Variants in ZNF385D observed in about 807,000 individuals in gnomAD.
ZNF385D encodes zinc finger protein 659.
ZNF385D carries 15 observed loss-of-function variants against 35.8 expected under a neutral mutation model. The ratio of observed to expected loss-of-function variants is 0.42; its 90% CI spans 0.28 to 0.64. The LOEUF (loss-of-function observed/expected upper bound fraction) is 0.64, where lower values mean the gene tolerates loss of function less well. Ranked by LOEUF, ZNF385D falls within the 30% of genes least tolerant of loss-of-function variation. The pLI is 0.23. For missense variants in ZNF385D, 474 were observed against 494.6 expected (o/e 0.96, Z 0.39); for synonymous variants, 212 against 186.8 (o/e 1.13, Z -1.10).
chr3:22,097,097 T>A (rs530207702), intron 3 of ZNF385D, among the ~76,000 whole-genome samples: 6 of 148,662 alleles, frequency 4.0e-5, no homozygotes, highest in East Asian at 1.9e-4. Flanking sequence ...GAGAAATGAA[T>A]TGTCCATCTT....
intron 2 of ZNF385D, among the ~76,000 whole-genome samples, chr3:22,341,894 A>G (rs921154545): frequency 1.3e-5 from 2 of 152,224 alleles, no homozygotes; most frequent in Admixed American, 6.5e-5. Flanking sequence ...AGTAAATTTG[A>G]GCTATTACTG....
At chr3:21,969,173 A>T (rs936919234) in intron 3 of ZNF385D, among the ~76,000 whole-genome samples, 2 of 152,106 alleles carry the variant, frequency 1.3e-5, no homozygotes, top group African/African-American at 2.4e-5. Flanking sequence ...TTTTTGTGTG[A>T]CTTGGGTGGC....
At chr3:22,027,766 G>A (rs1354885006) in intron 3 of ZNF385D, among the ~76,000 whole-genome samples, 2 of 152,134 alleles carry the variant, frequency 1.3e-5, no homozygotes, top group African/African-American at 2.4e-5. Flanking sequence ...TGAGAAAGTG[G>A]CTCAAATGCC....
chr3:22,305,501 T>C (rs1041628551), intron 2 of ZNF385D, among the ~76,000 whole-genome samples: 6 of 152,164 alleles, frequency 3.9e-5, no homozygotes, highest in African/African-American at 1.4e-4. Flanking sequence ...ACAGTCAGCG[T>C]TGGGCTCTGC....
intron 3 of ZNF385D, among the ~76,000 whole-genome samples, chr3:21,828,655 G>A (rs913042381): frequency 6.6e-6 from 1 of 152,126 alleles, no homozygotes; most frequent in Non-Finnish European, 1.5e-5. Flanking sequence ...AACCATCTTT[G>A]TTAGTTTCTT....
chr3:21,857,223 G>A (rs1161925088), intron 3 of ZNF385D, among the ~76,000 whole-genome samples: 1 of 152,058 alleles, frequency 6.6e-6, no homozygotes, highest in Non-Finnish European at 1.5e-5. Context: ...AACAAAGTTA[G>A]TTATTTTTTC....
intron 4 of ZNF385D, among the ~76,000 whole-genome samples, chr3:21,505,793 C>T (rs1228635094): frequency 6.6e-6 from 1 of 152,082 alleles, no homozygotes; most frequent in Non-Finnish European, 1.5e-5. Context: ...TTAAAGTCTC[C>T]ACCCCAAAAT....
intron 5 of ZNF385D, among the ~76,000 whole-genome samples, chr3:21,426,515 C>A (rs926322646): frequency 6.6e-6 from 1 of 152,088 alleles, no homozygotes; most frequent in Admixed American, 6.5e-5. Context: ...AAATTTTGCA[C>A]AAAATTTCTT....
chr3:21,978,385 T>A (rs950647992), intron 3 of ZNF385D: 2 of 152,252 alleles, frequency 1.3e-5, no homozygotes, highest in Non-Finnish European at 2.9e-5. Flanking sequence ...ATATTAGATA[T>A]GCTACGTGTT....
At chr3:21,618,102 T>C (rs772626227) in intron 2 of ZNF385D, among the ~76,000 whole-genome samples, 7 of 152,216 alleles carry the variant, frequency 4.6e-5, no homozygotes, top group Non-Finnish European at 8.8e-5. Flanking sequence ...CAGAAACCTA[T>C]ATTATCTTAT....
chr3:21,925,670 A>G (rs34598190), intron 3 of ZNF385D, among the ~76,000 whole-genome samples: 81,129 of 151,980 alleles, frequency 0.53, 23,752 homozygotes, highest in South Asian at 0.66. Context: ...AAAGGCCTGT[A>G]AAGATGTTGA....
intron 2 of ZNF385D, among the ~76,000 whole-genome samples, chr3:22,181,077 A>G (rs906258629): frequency 1.3e-5 from 2 of 151,840 alleles, no homozygotes; most frequent in Admixed American, 1.3e-4. Context: ...TTTTTGTAAT[A>G]TAGACTTTCT....
intron 3 of ZNF385D, among the ~76,000 whole-genome samples, chr3:21,977,360 G>C (rs1703695293): frequency 1.3e-5 from 2 of 152,112 alleles, no homozygotes; most frequent in African/African-American, 2.4e-5. Context: ...TAAAGCTTGA[G>C]TATGGTGGTG....
At chr3:22,122,710 T>C (rs1703157776) in intron 3 of ZNF385D, among the ~76,000 whole-genome samples, 1 of 152,120 alleles carries the variant, frequency 6.6e-6, no homozygotes, top group Non-Finnish European at 1.5e-5. Context: ...AATTTGGATA[T>C]GGAAAGTACC....
intron 2 of ZNF385D, among the ~76,000 whole-genome samples, chr3:22,261,673 C>G (rs1020583253): frequency 1.3e-5 from 2 of 151,846 alleles, no homozygotes; most frequent in Non-Finnish European, 2.9e-5. Context: ...TAGCAGAGAC[C>G]TGAAGGTGGG....
intron 2 of ZNF385D, among the ~76,000 whole-genome samples, chr3:22,203,722 G>A (rs953229391): frequency 1.3e-5 from 2 of 152,106 alleles, no homozygotes; most frequent in Non-Finnish European, 2.9e-5. Flanking sequence ...GGTGGTTGTG[G>A]TGGACATGGA....
chr3:22,110,509 A>G (rs573565546), intron 3 of ZNF385D, among the ~76,000 whole-genome samples: 4 of 152,068 alleles, frequency 2.6e-5, no homozygotes, highest in African/African-American at 9.7e-5. Flanking sequence ...GAAGCTGGAA[A>G]CCATCATTCT....
At chr3:21,772,484 C>T (rs2071118828) in intron 3 of ZNF385D, among the ~76,000 whole-genome samples, 1 of 151,740 alleles carries the variant, frequency 6.6e-6, no homozygotes, top group Non-Finnish European at 1.5e-5. Context: ...AAAAGATGCT[C>T]ACAAACATTA....
At chr3:21,763,931 G>A in intron 3 of ZNF385D, among the ~76,000 whole-genome samples, 1 of 152,078 alleles carries the variant, frequency 6.6e-6, no homozygotes, top group East Asian at 1.9e-4. Flanking sequence ...GAGGGGCCAG[G>A]GATACTGGAG....
Sources: gnomAD v4.1 joint callset for allele counts (sites outside exome capture counted in the v4.1 genomes callset) on GRCh38, gnomAD v4.1.1 for gene constraint, MANE v1.5 for transcripts, NCBI Gene and HGNC (gene_info 2026-07-23, HGNC 2026-07-21) for gene names.